The following HCRTR2 variants were observed in gnomAD, a reference collection of about 807,000 sequenced individuals.
The protein encoded by HCRTR2 is hypocretin receptor 2.
HCRTR2 carries 22 observed loss-of-function variants against 49.0 expected under a neutral mutation model. The observed-to-expected ratio is 0.45, with a 90% CI of 0.32 to 0.64. The LOEUF (loss-of-function observed/expected upper bound fraction) is 0.64. HCRTR2 is among the 30% of genes least tolerant of loss of function. The pLI, the probability that HCRTR2 is intolerant of heterozygous loss-of-function variation, is 0.04. For missense variants in HCRTR2, 491 were observed against 559.4 expected (o/e 0.88, Z 1.23); for synonymous variants, 236 against 205.3 (o/e 1.15, Z -1.28).
intron 1 of HCRTR2, among the ~76,000 whole-genome samples, chr6:55,166,202 T>A (rs747811845): frequency 1.3e-5 from 2 of 152,118 alleles, no homozygotes; most frequent in Non-Finnish European, 2.9e-5. Flanking sequence ...ATTATCTTTT[T>A]GATGTTTTTT....
At chr6:55,127,794 A>C (rs1029491129) in intron 1 of HCRTR2, among the ~76,000 whole-genome samples, 7 of 114,610 alleles carry the variant, frequency 6.1e-5, no homozygotes, top group African/African-American at 1.9e-4. Context: ...AAACAATCTC[A>C]TCAATGTCCA....
chr6:55,182,919 A>G (rs1222706376), intron 1 of HCRTR2, among the ~76,000 whole-genome samples: 1 of 152,220 alleles, frequency 6.6e-6, no homozygotes, highest in Non-Finnish European at 1.5e-5. Flanking sequence ...AGTTAAAAGT[A>G]TTTTTAACTT....
At chr6:55,242,685 C>T (rs1320606390) in intron 1 of HCRTR2, among the ~76,000 whole-genome samples, 1 of 152,186 alleles carries the variant, frequency 6.6e-6, no homozygotes, top group Non-Finnish European at 1.5e-5. Context: ...CACAATCTTA[C>T]ATATGCAGTT....
intron 1 of HCRTR2, among the ~76,000 whole-genome samples, chr6:55,230,703 G>T (rs1766097919): frequency 6.8e-6 from 1 of 146,152 alleles, no homozygotes; most frequent in Non-Finnish European, 1.5e-5. Context: ...TTTAAAACAT[G>T]TGTAAGGCAT....
At chr6:55,221,074 A>G (rs1413790448) in intron 1 of HCRTR2, among the ~76,000 whole-genome samples, 1 of 152,208 alleles carries the variant, frequency 6.6e-6, no homozygotes, top group East Asian at 1.9e-4. Flanking sequence ...ATAGAAAGAT[A>G]ATTCTGTTTT....
chr6:55,225,846 G>A (rs1414303803), intron 1 of HCRTR2, among the ~76,000 whole-genome samples: 1 of 152,114 alleles, frequency 6.6e-6, no homozygotes, highest in Non-Finnish European at 1.5e-5. Context: ...TTAAATGCCT[G>A]GCACATTCTT....
intron 1 of HCRTR2, among the ~76,000 whole-genome samples, chr6:55,179,271 A>G (rs1470688454): frequency 6.6e-6 from 1 of 152,148 alleles, no homozygotes; most frequent in Non-Finnish European, 1.5e-5. Flanking sequence ...GTTATTTCTA[A>G]ACCCTTTTTA....
At chr6:55,241,428 G>A (rs1289721757) in intron 1 of HCRTR2, among the ~76,000 whole-genome samples, 1 of 151,938 alleles carries the variant, frequency 6.6e-6, no homozygotes, top group African/African-American at 2.4e-5. Flanking sequence ...GGCAAAGTGT[G>A]GAACTACAGT....
chr6:55,141,639 T>C (rs774949244), intron 1 of HCRTR2, among the ~76,000 whole-genome samples: 2 of 152,206 alleles, frequency 1.3e-5, no homozygotes, highest in Non-Finnish European at 2.9e-5. Context: ...ATGGATAATA[T>C]AGGTTGTGAG....
At chr6:55,168,400 T>C (rs79986767) in intron 1 of HCRTR2, among the ~76,000 whole-genome samples, 1,959 of 152,298 alleles carry the variant, frequency 0.013, 91 homozygotes, top group East Asian at 0.1. Flanking sequence ...ATTGAAAACA[T>C]TTTGGTTCTC....
chr6:55,151,298 T>C lies in HCRTR2; in HGVS notation c.-377-22913T>C, dbSNP rs145948497. Among the ~76,000 whole-genome samples, 882 of 152,186 alleles carry C rather than the reference T, an allele frequency of 5.8e-3. 7 individuals carry two copies. Among genetic ancestry groups the C allele is most frequent in the African/African-American group, 0.02 (838 of 41,562 alleles). On this transcript the variant is annotated intron_variant, in intron 1 of 7. Transcript: ENST00000615358. ...CTATTTTACCCACAATAAAACTCTT[T>C]CAAAATTGAAGTTAATCTTCTTAAG...
intron 5 of HCRTR2, among the ~76,000 whole-genome samples, chr6:55,279,792 CA>C (rs1448355572): frequency 1.3e-5 from 2 of 150,956 alleles, no homozygotes; most frequent in Non-Finnish European, 3.0e-5. Context: ...TAAAAATTAC[CA>C]AAATTCTGCC....
At chr6:55,228,681 C>T (rs1056847136) in intron 1 of HCRTR2, among the ~76,000 whole-genome samples, 4 of 152,160 alleles carry the variant, frequency 2.6e-5, no homozygotes, top group African/African-American at 9.6e-5. Flanking sequence ...TCTTATTCAA[C>T]TTTCTGTATT....
At chr6:55,156,670 G>C (rs999061286) in intron 1 of HCRTR2, among the ~76,000 whole-genome samples, 1 of 151,352 alleles carries the variant, frequency 6.6e-6, no homozygotes, top group Non-Finnish European at 1.5e-5. Context: ...ATAGCAAATC[G>C]AATCCAGCAG....
At chr6:55,254,065 A>G (rs1421527139) in intron 2 of HCRTR2, among the ~76,000 whole-genome samples, 11 of 152,156 alleles carry the variant, frequency 7.2e-5, no homozygotes. Context: ...TAAATGCATA[A>G]TGGATATCAA....
chr6:55,119,816 T>G (rs147061085), intron 1 of HCRTR2, among the ~76,000 whole-genome samples: 28 of 152,230 alleles, frequency 1.8e-4, no homozygotes, highest in Non-Finnish European at 2.8e-4. Context: ...TGCCATTGCT[T>G]TTGGTGTTGT....
At chr6:55,262,705 T>C (rs2033484970) in intron 3 of HCRTR2, among the ~76,000 whole-genome samples, 1 of 143,200 alleles carries the variant, frequency 7.0e-6, no homozygotes, top group Non-Finnish European at 1.5e-5. Flanking sequence ...AATCTGAATT[T>C]ATTTATGTAT....
chr6:55,183,932 T>G (rs1272279080), intron 1 of HCRTR2, among the ~76,000 whole-genome samples: 1 of 152,134 alleles, frequency 6.6e-6, no homozygotes, highest in African/African-American at 2.4e-5. Flanking sequence ...CTTTTTCTTT[T>G]TACTTTTTTT....
chr6:55,136,827 G>A (rs1325212904), intron 1 of HCRTR2, among the ~76,000 whole-genome samples: 1 of 152,160 alleles, frequency 6.6e-6, no homozygotes, highest in African/African-American at 2.4e-5. Context: ...TGGCCTTCTG[G>A]ATTGGCACAG....
Sources: gnomAD v4.1 joint callset for allele counts (sites outside exome capture counted in the v4.1 genomes callset) on GRCh38, gnomAD v4.1.1 for gene constraint, MANE v1.5 for transcripts, NCBI Gene and HGNC (gene_info 2026-07-23, HGNC 2026-07-21) for gene names.